The following RASGEF1A variants were observed in gnomAD, a reference collection of about 807,000 sequenced individuals.
The protein encoded by RASGEF1A is RasGEF domain family member 1A, also known as ras-GEF domain-containing family member 1A.
A neutral mutation model predicts 56.4 loss-of-function variants in RASGEF1A; 18 were observed. The ratio of observed to expected loss-of-function variants is 0.32; its 90% CI spans 0.22 to 0.47. The LOEUF is 0.47. RASGEF1A is among the 20% of genes least tolerant of loss of function. The pLI is 1.00. For missense variants in RASGEF1A, 422 were observed against 627.1 expected (o/e 0.67, Z 3.49); for synonymous variants, 245 against 242.6 (o/e 1.01, Z -0.09).
intron 1 of RASGEF1A, among the ~76,000 whole-genome samples, chr10:43,243,798 G>A (rs1298595333): frequency 6.6e-6 from 1 of 151,460 alleles, no homozygotes; most frequent in Non-Finnish European, 1.5e-5. Context: ...TGGGAGGTGA[G>A]GAGCACCTCT....
chr10:43,240,023 C>T (rs1411424113), intron 1 of RASGEF1A, among the ~76,000 whole-genome samples: 2 of 152,204 alleles, frequency 1.3e-5, no homozygotes, highest in Non-Finnish European at 2.9e-5. Context: ...GGGCTGTGCA[C>T]ATGCTCAGAA....
intron 10 of RASGEF1A, among the ~76,000 whole-genome samples, 169 bp downstream of exon 10, chr10:43,197,835 A>T (rs1839824497): frequency 6.6e-6 from 1 of 152,070 alleles, no homozygotes; most frequent in Admixed American, 6.6e-5. Context: ...CATACCTTGC[A>T]GTCAAACAGC....
intron 1 of RASGEF1A, among the ~76,000 whole-genome samples, chr10:43,261,957 G>A (rs1274679958): frequency 6.6e-6 from 1 of 152,226 alleles, no homozygotes; most frequent in African/African-American, 2.4e-5. Flanking sequence ...CTCATCCTGG[G>A]AAGTACCTGG....
rs571632392 is a variant in RASGEF1A, at chr10:43,255,745, TG to T, written c.-7+11099del. Among the ~76,000 whole-genome samples the T allele has an allele frequency of 6.1e-3, 926 of 151,938 alleles. 11 individuals carry two copies. Among genetic ancestry groups the T allele is most frequent in the African/African-American group, 0.022 (893 of 41,442 alleles). ...GTCAGGGGAACCCTGGAGCCAGGGC[TG>T]GGGGTGCTGGGGTGGGAGTAGGCAC... On this transcript the variant is annotated intron_variant, in intron 1 of 12. Coordinates refer to ENST00000395810, the MANE Select transcript of RASGEF1A (RefSeq NM_145313.4).
At chr10:43,216,589 C>T (rs1840140192) in intron 1 of RASGEF1A, among the ~76,000 whole-genome samples, 1 of 152,202 alleles carries the variant, frequency 6.6e-6, no homozygotes, top group African/African-American at 2.4e-5. Context: ...TTGCCCCCCT[C>T]CTGGATAGTA....
intron 1 of RASGEF1A, among the ~76,000 whole-genome samples, chr10:43,255,194 C>T (rs561362744): frequency 1.1e-4 from 17 of 152,322 alleles, no homozygotes; most frequent in Admixed American, 9.8e-4. Flanking sequence ...TCCAGGAAAT[C>T]TCCCAAAGTC....
intron 1 of RASGEF1A, among the ~76,000 whole-genome samples, chr10:43,241,867 G>T (rs956012576): frequency 1.3e-5 from 2 of 152,216 alleles, no homozygotes; most frequent in African/African-American, 4.8e-5. Context: ...GCCGGATGCA[G>T]AGGCTCACGC....
At chr10:43,243,111 G>A (rs12220949) in intron 1 of RASGEF1A, among the ~76,000 whole-genome samples, 24,590 of 147,416 alleles carry the variant, frequency 0.17, 2,620 homozygotes, top group East Asian at 0.51. Flanking sequence ...GCCGCCCATC[G>A]TCTGGGATGT....
chr10:43,208,426 G>A (rs10793422), intron 1 of RASGEF1A: 167,540 of 985,464 alleles, frequency 0.17, 15,422 homozygotes, highest in East Asian at 0.49. Context: ...AGGAGTTGAG[G>A]AGCCATCCTG....
chr10:43,255,884 C>A (rs562386697), intron 1 of RASGEF1A, among the ~76,000 whole-genome samples: 1 of 152,298 alleles, frequency 6.6e-6, no homozygotes, highest in South Asian at 2.1e-4. Context: ...GCACCCCACT[C>A]CCCCAGAGGA....
chr10:43,225,950 G>A (rs1840274568), intron 1 of RASGEF1A, among the ~76,000 whole-genome samples: 3 of 152,154 alleles, frequency 2.0e-5, no homozygotes, highest in Admixed American at 1.3e-4. Context: ...GGTGGCTGGC[G>A]GCAGTCACAG....
At chr10:43,231,531 C>T (rs1840367209) in intron 1 of RASGEF1A, among the ~76,000 whole-genome samples, 1 of 152,260 alleles carries the variant, frequency 6.6e-6, no homozygotes, top group Non-Finnish European at 1.5e-5. Flanking sequence ...CCCCACAAGC[C>T]TTCTTATGCA....
Position 43,207,587 on chromosome 10 carries a change from G to A in RASGEF1A, c.-6-1465C>T, listed in dbSNP as rs986749308. On this transcript the variant is annotated intron_variant, in intron 1 of 12. Transcript: ENST00000395810. ...GCAAGAACGCAACCAAAGGCCCCACGATGACGCTGGGTGGAATGTCCAGGC... is the reference window on the plus strand; with the variant it reads ...GCAAGAACGCAACCAAAGGCCCCACAATGACGCTGGGTGGAATGTCCAGGC... 3.3e-5 allele frequency: 33 copies of A among 985,580 alleles called. No individual in the cohort carries two copies. The African/African-American group carries it at 4.4e-4, about 13-fold the overall frequency. The allele number at this position is 985,580 out of a possible 1,614,324, so 61.1% of individuals were successfully genotyped here.
intron 7 of RASGEF1A, 66 bp from the exon 8 acceptor site, chr10:43,199,260 C>G: frequency 8.3e-7 from 1 of 1,205,256 alleles, no homozygotes; most frequent in Non-Finnish European, 1.2e-6. Context: ...GGCCGCCGGG[C>G]AGAGGAACAG....
chr10:43,238,436 T>C (rs1765689003), intron 1 of RASGEF1A, among the ~76,000 whole-genome samples: 1 of 152,246 alleles, frequency 6.6e-6, no homozygotes, highest in South Asian at 2.1e-4. Flanking sequence ...TAGATAGCTC[T>C]ACTACTACCG....
At chr10:43,223,701 A>G (rs1840237476) in intron 1 of RASGEF1A, among the ~76,000 whole-genome samples, 1 of 152,196 alleles carries the variant, frequency 6.6e-6, no homozygotes, top group Non-Finnish European at 1.5e-5. Context: ...TTCAAGGATA[A>G]CCCTCTTGCA....
intron 1 of RASGEF1A, chr10:43,229,526 G>T: frequency 1.1e-6 from 1 of 899,062 alleles, no homozygotes; most frequent in South Asian, 1.8e-5. Flanking sequence ...TCCTCAGGGC[G>T]GGCACCCTCC....
intron 1 of RASGEF1A, among the ~76,000 whole-genome samples, chr10:43,221,194 C>T (rs1243086705): frequency 3.9e-5 from 6 of 152,142 alleles, no homozygotes; most frequent in Admixed American, 6.5e-5. Flanking sequence ...CCCCATCCCC[C>T]GACACTGTGG....
At chr10:43,259,277 A>G (rs1380576422) in intron 1 of RASGEF1A, among the ~76,000 whole-genome samples, 1 of 152,192 alleles carries the variant, frequency 6.6e-6, no homozygotes, top group Non-Finnish European at 1.5e-5. Flanking sequence ...AGGGCCTGCA[A>G]GCACAGCGGG....
Sources: gnomAD v4.1 joint callset for allele counts (sites outside exome capture counted in the v4.1 genomes callset) on GRCh38, gnomAD v4.1.1 for gene constraint, MANE v1.5 for transcripts, NCBI Gene and HGNC (gene_info 2026-07-23, HGNC 2026-07-21) for gene names.